RAE1: variants seen among roughly 807,000 people sequenced by gnomAD.
The protein encoded by RAE1 is ribonucleic acid export 1, also known as mRNA export factor RAE1.
In RAE1, 13 loss-of-function variants were observed where a neutral mutation model predicts 52.7. The observed-to-expected ratio is 0.25, with a 90% CI of 0.16 to 0.39. The LOEUF is 0.39. RAE1 is among the 10% of genes least tolerant of loss of function. The pLI is 1.00. For synonymous variants in RAE1, 164 were observed against 153.1 expected (o/e 1.07, Z -0.52); for missense variants, 262 against 459.8 (o/e 0.57, Z 3.93).
rs1053431839 is a variant in RAE1, at chr20:57,374,452, A to G, written c.826-155A>G. ...GTTCTGGGCTGGCATTTGATGGAGGAAGCCTGGATAGTTTCTCTTGCTATC... is the reference window on the plus strand; with the variant it reads ...GTTCTGGGCTGGCATTTGATGGAGGGAGCCTGGATAGTTTCTCTTGCTATC... On this transcript the variant is annotated intron_variant, in intron 10 of 11. Transcript: ENST00000395841. Among the ~76,000 whole-genome samples the G allele has an allele frequency of 4.6e-5, 7 of 152,194 alleles. No homozygotes were observed. In the East Asian group the frequency reaches 1.3e-3, roughly 29 times the overall value.
chr20:57,359,068 T>C, intron 4 of RAE1: 1 of 1,464,282 alleles, frequency 6.8e-7, no homozygotes, highest in Non-Finnish European at 9.0e-7. Context: ...AGAGAACAAG[T>C]GATTATGCTA....
At chr20:57,355,297 G>C (rs550657692) in intron 3 of RAE1, among the ~76,000 whole-genome samples, 3 of 152,280 alleles carry the variant, frequency 2.0e-5, no homozygotes, top group African/African-American at 7.2e-5. Flanking sequence ...AATAAGCAAA[G>C]GGTGTAAAGA....
At chr20:57,374,483 G>A (rs892210722) in intron 10 of RAE1, 124 bp from the exon 11 acceptor site, 2 of 885,820 alleles carry the variant, frequency 2.3e-6, no homozygotes, top group Admixed American at 4.6e-5. Flanking sequence ...CTATCAGCGG[G>A]CAGCAGCTGG....
chr20:57,354,586 A>C, intron 2 of RAE1, 126 bp from the exon 3 acceptor site: 1 of 591,474 alleles, frequency 1.7e-6, no homozygotes, highest in Non-Finnish European at 2.8e-6. Flanking sequence ...AAAGTAAGGA[A>C]AGGTCTAATT....
At chr20:57,353,634 G>A (rs528942766) in intron 1 of RAE1, among the ~76,000 whole-genome samples, 1 of 152,344 alleles carries the variant, frequency 6.6e-6, no homozygotes, top group East Asian at 1.9e-4. Flanking sequence ...GGGGACCTGC[G>A]ATCTTGTTTA....
chr20:57,372,227 C>CT (rs1189033133), intron 8 of RAE1: 3 of 152,412 alleles, frequency 2.0e-5, no homozygotes, highest in Non-Finnish European at 4.4e-5. Context: ...TCCTCCGGAG[C>CT]TGAGGCAGGG....
chr20:57,358,115 TAAG>T (rs1443984699), intron 4 of RAE1: 1 of 151,988 alleles, frequency 6.6e-6, no homozygotes, highest in East Asian at 1.9e-4. Context: ...GGGGGGTTCA[TAAG>T]AGGAGAGCGA....
rs11545019 is a variant in RAE1 at position 57,351,300 on chromosome 20, C to G, written c.-130C>G. 1.0e-6 allele frequency: 1 copy of G among 985,462 alleles called. No individual in the cohort carries two copies. The highest frequency in any genetic ancestry group is 1.7e-5 in the African/African-American group (1 of 57,368). The allele number at this position is 985,462 out of a possible 1,614,324, so 61.0% of individuals were successfully genotyped here. On this transcript the variant is annotated 5_prime_UTR_variant, in exon 1 of 12. Transcript: ENST00000395841. ...AGTTTCTACCGCAGGCTTAAGGAGG[C>G]TTCGGGCTCCTGGGATTTCTGTCCG... is the stretch of plus-strand genomic sequence containing the variant.
intron 4 of RAE1, among the ~76,000 whole-genome samples, chr20:57,363,683 A>G (rs1223253927): frequency 6.6e-6 from 1 of 152,160 alleles, no homozygotes; most frequent in Non-Finnish European, 1.5e-5. Context: ...AAAATAATAA[A>G]TAACAATAAT....
At chr20:57,365,077 T>C (rs2066936373) in intron 4 of RAE1, among the ~76,000 whole-genome samples, 1 of 152,198 alleles carries the variant, frequency 6.6e-6, no homozygotes, top group Non-Finnish European at 1.5e-5. Context: ...AGACCTGGGA[T>C]CAGGGACAAG....
intron 11 of RAE1, among the ~76,000 whole-genome samples, chr20:57,377,262 C>T (rs895310883): frequency 1.3e-5 from 2 of 152,218 alleles, no homozygotes; most frequent in East Asian, 3.8e-4. Context: ...CTCTTCCAGT[C>T]CTTTGGCCCA....
chr20:57,371,271 G>GA (rs1600725060), intron 8 of RAE1: 1 of 152,228 alleles, frequency 6.6e-6, no homozygotes, highest in Admixed American at 6.5e-5. Flanking sequence ...GGAAAAGAGT[G>GA]AAAAGGCAGC....
chr20:57,357,761 ACT>A (rs1240851022), intron 4 of RAE1: 2 of 151,002 alleles, frequency 1.3e-5, no homozygotes, highest in African/African-American at 2.5e-5. Flanking sequence ...CCTGAGACTA[ACT>A]CTGACTCTCC....
chr20:57,358,687 A>G (rs992898307), intron 4 of RAE1: 1 of 262,592 alleles, frequency 3.8e-6, no homozygotes, highest in Non-Finnish European at 7.1e-6. Flanking sequence ...CTGATCCAAC[A>G]TCGAGGTCGT....
In RAE1 at chr20:57,354,134, A is replaced by G. The variant is rs371344867; in HGVS notation, c.90+6A>G. 1 of 1,612,086 alleles carries G rather than the reference A, an allele frequency of 6.2e-7. No homozygotes were observed. Among genetic ancestry groups the G allele is most frequent in the Non-Finnish European group, 8.5e-7 (1 of 1,178,362 alleles). On this transcript the variant is annotated splice_donor_region_variant and intron_variant, in intron 2 of 11. Coordinates refer to ENST00000395841, the MANE Select transcript of RAE1 (RefSeq NM_003610.4). ...ACAATCACAATCCCATGAAGGTACC[A>G]CGAAAAGCTTCCTGGGGCTTGTAGG... is the stretch of plus-strand genomic sequence containing the variant.
At chr20:57,365,545 G>A in intron 5 of RAE1, 103 bp downstream of exon 5, 1 of 776,426 alleles carries the variant, frequency 1.3e-6, no homozygotes, top group Non-Finnish European at 2.0e-6. Context: ...AAAACGTGCA[G>A]TTAGACTCTG....
Position 57,374,735 on chromosome 20 carries a change from C to T in RAE1, c.954C>T (p.Ile318=), listed in dbSNP as rs1456154423. Residue 318 remains isoleucine, a synonymous_variant, in exon 11 of 12, where the codon ATC becomes ATT. Transcript: ENST00000395841. ...LKTSEQLDQP[I]SACCFNHNGN... is the part of the protein sequence containing the mutation. Reference sequence around the variant, plus strand: ...CTTCGGAACAGTTAGATCAGCCCATCTCAGCTTGCTGTTTCAATCACAATG... The same window carrying T: ...CTTCGGAACAGTTAGATCAGCCCATTTCAGCTTGCTGTTTCAATCACAATG... 5.6e-6 allele frequency: 9 copies of T among 1,614,112 alleles called. No individual in the cohort carries two copies. The highest frequency in any genetic ancestry group is 7.6e-6 in the Non-Finnish European group (9 of 1,180,050).
Position 57,353,929 on chromosome 20 carries a change from A to G in RAE1, c.-7-103A>G, listed in dbSNP as rs1024487658. On this transcript the variant is annotated intron_variant, in intron 1 of 11. Coordinates refer to ENST00000395841, the MANE Select transcript of RAE1 (RefSeq NM_003610.4). ...TGTCTGAAAAGTGAAGCCTGGCCTCAAGCCACTTTGAGTATTTCTCTTCTG... is the reference window on the plus strand; with the variant it reads ...TGTCTGAAAAGTGAAGCCTGGCCTCGAGCCACTTTGAGTATTTCTCTTCTG... 15 of 1,023,676 alleles carry G rather than the reference A, an allele frequency of 1.5e-5. No individual in the cohort carries two copies. In the East Asian group the frequency reaches 3.7e-4, roughly 25 times the overall value. 63.4% of individuals were successfully genotyped at this position (1,023,676 alleles called of 1,614,324 possible).
intron 11 of RAE1, among the ~76,000 whole-genome samples, chr20:57,375,722 C>CT (rs754576610): frequency 6.6e-6 from 1 of 152,182 alleles, no homozygotes; most frequent in Non-Finnish European, 1.5e-5. Flanking sequence ...CTGCCAGGTA[C>CT]TTTCTGGCCT....
Sources: gnomAD v4.1 joint callset for allele counts (sites outside exome capture counted in the v4.1 genomes callset) on GRCh38, gnomAD v4.1.1 for gene constraint, MANE v1.5 for transcripts, NCBI Gene and HGNC (gene_info 2026-07-23, HGNC 2026-07-21) for gene names.